Variants in PLCXD3 observed in about 807,000 individuals in gnomAD.
PLCXD3 encodes PI-PLC X domain-containing protein 3.
PLCXD3 carries 19 observed loss-of-function variants against 25.5 expected under a neutral mutation model. The observed-to-expected ratio is 0.75, with a 90% confidence interval of 0.52 to 1.09. The LOEUF is 1.09. Ranked by LOEUF, PLCXD3 falls within the 50% of genes least tolerant of loss-of-function variation. The pLI is 0.00. For missense variants in PLCXD3, 411 were observed against 388.1 expected (o/e 1.06, Z -0.50); for synonymous variants, 174 against 137.6 (o/e 1.26, Z -1.85).
intron 1 of PLCXD3, among the ~76,000 whole-genome samples, chr5:41,461,374 A>G (rs957292408): frequency 1.3e-5 from 2 of 151,894 alleles, no homozygotes; most frequent in Admixed American, 1.3e-4. Flanking sequence ...TACCTTAAAA[A>G]CCTATAAAAG....
At chr5:41,427,141 C>T (rs917728262) in intron 1 of PLCXD3, among the ~76,000 whole-genome samples, 2 of 152,234 alleles carry the variant, frequency 1.3e-5, no homozygotes, top group East Asian at 3.9e-4. Context: ...TTCAATATGA[C>T]AATTCATGTT....
rs145440513 is a variant in PLCXD3 at position 41,337,876 on chromosome 5, T to C, written c.813-24106A>G. On this transcript the variant is annotated intron_variant, in intron 2 of 2. Transcript: ENST00000377801. ...GGGAGAGAAATTTTAAGTCAATTAG[T>C]CTGAGTTAGAAGAGTATTTCCCATG... Among the ~76,000 whole-genome samples, 651 of 152,276 alleles carry C rather than the reference T, an allele frequency of 4.3e-3. 6 individuals carry two copies. The highest frequency in any genetic ancestry group is 0.015 in the African/African-American group (608 of 41,558).
At chr5:41,453,334 T>C (rs1233487221) in intron 1 of PLCXD3, among the ~76,000 whole-genome samples, 1 of 151,904 alleles carries the variant, frequency 6.6e-6, no homozygotes, top group Non-Finnish European at 1.5e-5. Flanking sequence ...TTTGCTACTA[T>C]GCTCTGTACC....
At chr5:41,464,290 A>C (rs949558199) in intron 1 of PLCXD3, among the ~76,000 whole-genome samples, 3 of 152,078 alleles carry the variant, frequency 2.0e-5, no homozygotes, top group Admixed American at 1.3e-4. Flanking sequence ...AGCTCTTCAA[A>C]GATTATATTC....
At chr5:41,491,826 G>A (rs1335373638) in intron 1 of PLCXD3, among the ~76,000 whole-genome samples, 1 of 152,052 alleles carries the variant, frequency 6.6e-6, no homozygotes, top group Non-Finnish European at 1.5e-5. Flanking sequence ...GCCTATGTGT[G>A]TCTCTGCACA....
At chr5:41,419,274 G>T (rs1384217466) in intron 1 of PLCXD3, among the ~76,000 whole-genome samples, 4 of 152,036 alleles carry the variant, frequency 2.6e-5, no homozygotes, top group Non-Finnish European at 1.5e-5. Context: ...TCAAATCAAA[G>T]CTTCCTATCA....
chr5:41,494,215 C>T (rs1035266414), intron 1 of PLCXD3, among the ~76,000 whole-genome samples: 13 of 152,172 alleles, frequency 8.5e-5, no homozygotes, highest in African/African-American at 3.1e-4. Context: ...TCTGCCTCAG[C>T]CTCCTAAGTA....
At chr5:41,466,217 T>C (rs2150518599) in intron 1 of PLCXD3, among the ~76,000 whole-genome samples, 1 of 152,202 alleles carries the variant, frequency 6.6e-6, no homozygotes, top group East Asian at 1.9e-4. Flanking sequence ...TTTAAAGATT[T>C]AATTAAAACA....
chr5:41,490,897 A>G (rs960108177), intron 1 of PLCXD3, among the ~76,000 whole-genome samples: 1 of 152,146 alleles, frequency 6.6e-6, no homozygotes, highest in Non-Finnish European at 1.5e-5. Flanking sequence ...TCCTGGATTC[A>G]TTAATTTTTT....
chr5:41,434,791 G>A (rs958261186), intron 1 of PLCXD3, among the ~76,000 whole-genome samples: 3 of 152,162 alleles, frequency 2.0e-5, no homozygotes, highest in Non-Finnish European at 2.9e-5. Context: ...AAGTGAGCCT[G>A]GTGAGAGTAG....
intron 1 of PLCXD3, among the ~76,000 whole-genome samples, chr5:41,479,337 A>G (rs962587865): frequency 2.0e-5 from 3 of 152,150 alleles, no homozygotes; most frequent in African/African-American, 7.2e-5. Flanking sequence ...GAGAGGGAAG[A>G]ATGAGGAGGA....
At chr5:41,453,267 T>C (rs143610431) in intron 1 of PLCXD3, among the ~76,000 whole-genome samples, 71 of 152,088 alleles carry the variant, frequency 4.7e-4, no homozygotes, top group East Asian at 3.1e-3. Flanking sequence ...CCAGAAAGCC[T>C]ATCATATTCT....
Position 41,455,774 on chromosome 5 carries a change from G to A in PLCXD3, c.103+54650C>T, listed in dbSNP as rs574505196. On this transcript the variant is annotated intron_variant, in intron 1 of 2. Transcript: ENST00000377801. ...ATAGTTCAAGGATATTTGTTTTAGT[G>A]TATTCTGAAAAGGCTTTAGGATCAT... Among the ~76,000 whole-genome samples the A allele has an allele frequency of 7.9e-5, 12 of 152,016 alleles. No homozygotes were observed. The South Asian group carries it at 2.5e-3, about 32-fold the overall frequency.
At chr5:41,476,243 A>G (rs1488327249) in intron 1 of PLCXD3, among the ~76,000 whole-genome samples, 1 of 152,198 alleles carries the variant, frequency 6.6e-6, no homozygotes, top group African/African-American at 2.4e-5. Flanking sequence ...AAGTTTACAT[A>G]GCAGGCCTGA....
Position 41,381,945 on chromosome 5 carries a change from T to A in PLCXD3, c.693A>T (p.Ala231=). The A allele has an allele frequency of 6.2e-7, 1 of 1,613,352 alleles. No individual in the cohort carries two copies. Among genetic ancestry groups the A allele is most frequent in the Non-Finnish European group, 8.5e-7 (1 of 1,179,662 alleles). ...DPEKLIQFLQ[A]SITERRKKGS... is the part of the protein sequence containing the mutation. The stretch of plus-strand genomic sequence containing the variant: ...CCTTCTTTCTTCTCTCAGTGATGGA[T>A]GCTTGAAGAAACTGGATCAGTTTCT... Residue 231 remains alanine, a synonymous_variant, in exon 2 of 3, where the codon GCA becomes GCT. Transcript: ENST00000377801.
chr5:41,436,088 C>T (rs906732277), intron 1 of PLCXD3, among the ~76,000 whole-genome samples: 8 of 152,148 alleles, frequency 5.3e-5, no homozygotes, highest in African/African-American at 1.9e-4. Flanking sequence ...TTAAGAAGCA[C>T]ACACCAGGTG....
chr5:41,469,032 G>T (rs570471728), intron 1 of PLCXD3, among the ~76,000 whole-genome samples: 2 of 152,150 alleles, frequency 1.3e-5, no homozygotes, highest in Admixed American at 6.5e-5. Flanking sequence ...ATGGCCTAAC[G>T]GTGTTGAGGT....
intron 2 of PLCXD3, among the ~76,000 whole-genome samples, chr5:41,337,711 A>T (rs1341005287): frequency 6.6e-6 from 1 of 152,132 alleles, no homozygotes; most frequent in Non-Finnish European, 1.5e-5. Context: ...TTCCCCTTTA[A>T]TCAGTGACAA....
chr5:41,446,176 CAAA>C (rs70988847), intron 1 of PLCXD3, among the ~76,000 whole-genome samples: 11,120 of 37,586 alleles, frequency 0.3, 689 homozygotes, highest in Middle Eastern at 0.47. Context: ...GACTCCTTCT[CAAA>C]AAAAAAAAAA....
Sources: gnomAD v4.1 joint callset for allele counts (sites outside exome capture counted in the v4.1 genomes callset) on GRCh38, gnomAD v4.1.1 for gene constraint, MANE v1.5 for transcripts, NCBI Gene and HGNC (gene_info 2026-07-23, HGNC 2026-07-21) for gene names.